The following PRKAG2 variants were observed in gnomAD, a reference collection of about 807,000 sequenced individuals.
The protein encoded by PRKAG2 is protein kinase AMP-activated non-catalytic subunit gamma 2, also known as 5'-AMP-activated protein kinase subunit gamma-2.
In PRKAG2, 26 loss-of-function variants were observed where a neutral mutation model predicts 69.6. The observed-to-expected ratio is 0.37, with a 90% CI of 0.27 to 0.52. The LOEUF (loss-of-function observed/expected upper bound fraction) is 0.52. PRKAG2 is among the 20% of genes least tolerant of loss of function. The pLI, the probability that PRKAG2 is intolerant of heterozygous loss-of-function variation, is 0.90. For synonymous variants in PRKAG2, 293 were observed against 285.0 expected, an observed-to-expected ratio of 1.03 and a Z score of -0.28; for missense variants, 557 against 740.0, an observed-to-expected ratio of 0.75 and a Z score of 2.87.
At chr7:151,802,246 T>C (rs2077877238) in intron 1 of PRKAG2, among the ~76,000 whole-genome samples, 2 of 152,294 alleles carry the variant, frequency 1.3e-5, no homozygotes, top group Non-Finnish European at 2.9e-5. Flanking sequence ...CTCTTGGTTC[T>C]CAGCAGTGGA....
chr7:151,870,189 GCAGGCAGGCAGA>G (rs1276598482), intron 1 of PRKAG2, among the ~76,000 whole-genome samples: 4 of 149,234 alleles, frequency 2.7e-5, no homozygotes, highest in African/African-American at 7.4e-5. Flanking sequence ...AGGCAGGCAG[GCAGGCAGGCAGA>G]CAGAGGAATA....
At chr7:151,851,821 A>C (rs76367112) in intron 1 of PRKAG2, among the ~76,000 whole-genome samples, 3,988 of 152,148 alleles carry the variant, frequency 0.026, 167 homozygotes, top group African/African-American at 0.09. Context: ...TCGTCTATGA[A>C]ATGTGCACGT....
Position 151,756,917 on chromosome 7 carries a change from T to C in PRKAG2, c.466+24235A>G, listed in dbSNP as rs1760709723. Among the ~76,000 whole-genome samples, 1 of 152,140 alleles carries C rather than the reference T, an allele frequency of 6.6e-6. No individual in the cohort carries two copies. Among genetic ancestry groups the C allele is most frequent in the Admixed American group, 6.5e-5 (1 of 15,282 alleles). Reference sequence around the variant, plus strand: ...CGGGCTGACAGCTGAGCTAGGGCCATCTGCAGGAGACGATTCAGACGGGGT... The same window carrying C: ...CGGGCTGACAGCTGAGCTAGGGCCACCTGCAGGAGACGATTCAGACGGGGT... On this transcript the variant is annotated intron_variant, in intron 3 of 15. Coordinates refer to ENST00000287878, the MANE Select transcript of PRKAG2 (RefSeq NM_016203.4). The surrounding 1 kb of genome is among the most constrained non-coding windows in gnomAD (Gnocchi z 4.9).
Position 151,781,609 on chromosome 7 carries a change from C to T in PRKAG2, c.187-178G>A, listed in dbSNP as rs2076675336. 6.6e-6 allele frequency among the ~76,000 whole-genome samples: 1 copy of T among 152,204 alleles called. No individual in the cohort carries two copies. Among genetic ancestry groups the T allele is most frequent in the Non-Finnish European group, 1.5e-5 (1 of 68,026 alleles). On this transcript the variant is annotated intron_variant, in intron 2 of 15. Coordinates refer to ENST00000287878, the MANE Select transcript of PRKAG2 (RefSeq NM_016203.4). This position sits in a 1 kb window ranked among gnomAD's most constrained non-coding sequence, Gnocchi z 6.1. ...CCACTGAATGGTCTGCAGGTAGCACCTGCCCCAAGGATGGCCCCTCACAGG... is the reference window on the plus strand; with the variant it reads ...CCACTGAATGGTCTGCAGGTAGCACTTGCCCCAAGGATGGCCCCTCACAGG...
At chr7:151,570,276 A>C in intron 9 of PRKAG2, 51 bp from the exon 10 acceptor site, 1 of 1,565,724 alleles carries the variant, frequency 6.4e-7, no homozygotes, top group Non-Finnish European at 8.7e-7. Flanking sequence ...TGCTGTTTGC[A>C]GTTATAACAC....
At chr7:151,792,709 C>T (rs1183472018) in intron 1 of PRKAG2, among the ~76,000 whole-genome samples, 2 of 152,230 alleles carry the variant, frequency 1.3e-5, no homozygotes, top group African/African-American at 4.8e-5. Flanking sequence ...AGGGCAAACT[C>T]GAGGTTTACA....
intron 3 of PRKAG2, among the ~76,000 whole-genome samples, chr7:151,717,529 A>G (rs1306436685): frequency 1.3e-5 from 2 of 152,142 alleles, no homozygotes; most frequent in Non-Finnish European, 2.9e-5. Flanking sequence ...AGGGCAGAAA[A>G]CAGGTGGCTC....
chr7:151,867,236 G>A (rs913881672), intron 1 of PRKAG2, among the ~76,000 whole-genome samples: 8 of 152,188 alleles, frequency 5.3e-5, no homozygotes, highest in African/African-American at 1.4e-4. Context: ...TGCTTTGAGG[G>A]CAGGGCCCTG....
chr7:151,575,016 G>T (rs1359910791), intron 7 of PRKAG2, 67 bp from the exon 8 acceptor site: 2 of 1,594,096 alleles, frequency 1.3e-6, no homozygotes, highest in East Asian at 4.5e-5. Context: ...CAAATGACAA[G>T]TGAGCCTAGA....
intron 5 of PRKAG2, among the ~76,000 whole-genome samples, chr7:151,628,391 A>G (rs549756703): frequency 5.1e-4 from 77 of 152,362 alleles, no homozygotes; most frequent in African/African-American, 1.8e-3. Context: ...TCGGTGTAAC[A>G]ATTACAAATG....
At chr7:151,572,618 T>C in intron 9 of PRKAG2, 46 bp downstream of exon 9, 2 of 1,396,188 alleles carry the variant, frequency 1.4e-6, no homozygotes, top group Non-Finnish European at 2.0e-6. Context: ...ATACTAAACA[T>C]AGCTTTCCCG....
chr7:151,699,458 G>A lies in PRKAG2; in HGVS notation c.467-23821C>T, dbSNP rs139340041. Among the ~76,000 whole-genome samples, 96 of 152,314 alleles carry A rather than the reference G, an allele frequency of 6.3e-4. No homozygotes were observed. Among genetic ancestry groups the A allele is most frequent in the African/African-American group, 9.9e-4 (41 of 41,568 alleles). ...TCACTGGGATTGAGATCATCTCGGC[G>A]ACTTTATCATGAAGGCCAGCACAGG... On this transcript the variant is annotated intron_variant, in intron 3 of 15. Transcript: ENST00000287878. This position sits in a 1 kb window ranked among gnomAD's most constrained non-coding sequence, Gnocchi z 4.5.
chr7:151,565,922 AAC>A, intron 11 of PRKAG2, 37 bp from the exon 12 acceptor site: 1 of 1,585,294 alleles, frequency 6.3e-7, no homozygotes, highest in Non-Finnish European at 8.7e-7. Context: ...CTAGACCCAG[AAC>A]ACACTCTTGT....
intron 3 of PRKAG2, among the ~76,000 whole-genome samples, chr7:151,702,388 A>C (rs969806879): frequency 2.0e-5 from 3 of 152,156 alleles, no homozygotes; most frequent in Non-Finnish European, 4.4e-5. Flanking sequence ...CTAGACATTC[A>C]GGCCGGAGCT....
Position 151,752,976 on chromosome 7 carries a change from TC to T in PRKAG2, c.466+28175del, listed in dbSNP as rs201231197. ...TCACCGGAAAGGTGTCGCGGCCGCA[TC>T]GGGTGACCCTGCTGGGATGCAGAAG... On this transcript the variant is annotated intron_variant, in intron 3 of 15. Transcript: ENST00000287878. Among the ~76,000 whole-genome samples, 148 of 152,352 alleles carry T rather than the reference TC, an allele frequency of 9.7e-4. 7 individuals carry two copies. The East Asian group carries it at 0.019, about 20-fold the overall frequency.
intron 6 of PRKAG2, among the ~76,000 whole-genome samples, chr7:151,593,256 C>T (rs140055495): frequency 1.3e-4 from 20 of 152,304 alleles, no homozygotes; most frequent in African/African-American, 4.1e-4. Flanking sequence ...GGCACAATCT[C>T]GGCTCACTGC....
At chr7:151,702,333 C>T (rs1031581896) in intron 3 of PRKAG2, among the ~76,000 whole-genome samples, 1 of 152,236 alleles carries the variant, frequency 6.6e-6, no homozygotes. Flanking sequence ...AAAGGGACAT[C>T]AGTAGGCACA....
At chr7:151,739,512 C>T (rs2073719428) in intron 3 of PRKAG2, among the ~76,000 whole-genome samples, 1 of 151,810 alleles carries the variant, frequency 6.6e-6, no homozygotes. Context: ...TCTTGTTGCC[C>T]AGGCTGGAGT....
In PRKAG2 at chr7:151,802,760, C is replaced by T. The variant is rs149332435; in HGVS notation, c.115-16219G>A. Among the ~76,000 whole-genome samples the T allele has an allele frequency of 7.8e-3, 1,185 of 152,116 alleles. 8 individuals carry two copies. Among genetic ancestry groups the T allele is most frequent in the Middle Eastern group, 0.014 (4 of 292 alleles). On this transcript the variant is annotated intron_variant, in intron 1 of 15. Transcript: ENST00000287878. ...CATTCAGTGCACCCCAGGACACAGC[C>T]CTGGCCTCAGCCTCTCCTTTCTCCC...
Sources: gnomAD v4.1 joint callset for allele counts (sites outside exome capture counted in the v4.1 genomes callset) on GRCh38, gnomAD v4.1.1 for gene constraint, Gnocchi (gnomAD v3.1) non-coding constraint, MANE v1.5 for transcripts, NCBI Gene and HGNC (gene_info 2026-07-23, HGNC 2026-07-21) for gene names.